Variants in SLC24A3 observed in about 807,000 individuals in gnomAD.
The protein encoded by SLC24A3 is solute carrier family 24 member 3, also known as sodium/potassium/calcium exchanger 3.
Under a neutral mutation model 75.8 loss-of-function variants are expected in SLC24A3, and 28 were observed. That is an observed-to-expected ratio of 0.37 (90% confidence interval 0.27 to 0.51). SLC24A3 has a LOEUF of 0.51. Among genes scored for constraint, SLC24A3 ranks in the 20% least tolerant of loss-of-function variants. The pLI is 0.94. For missense variants in SLC24A3, 663 were observed against 847.8 expected (o/e 0.78, Z 2.71); for synonymous variants, 372 against 334.1 (o/e 1.11, Z -1.24).
chr20:19,221,282 G>T (rs908429520), intron 1 of SLC24A3, among the ~76,000 whole-genome samples: 2 of 152,186 alleles, frequency 1.3e-5, no homozygotes, highest in Non-Finnish European at 2.9e-5. Flanking sequence ...CTTCTTTGGA[G>T]GAAGTCTTTA....
chr20:19,344,546 A>G (rs1039761707), intron 2 of SLC24A3, among the ~76,000 whole-genome samples: 1 of 152,234 alleles, frequency 6.6e-6, no homozygotes, highest in African/African-American at 2.4e-5. Flanking sequence ...AAAAGATGTG[A>G]TAATAAGTAA....
chr20:19,332,084 C>A (rs951995373), intron 2 of SLC24A3, among the ~76,000 whole-genome samples: 3 of 152,144 alleles, frequency 2.0e-5, no homozygotes, highest in African/African-American at 7.2e-5. Context: ...AGAATTGGAG[C>A]GTCTTGCAGG....
intron 2 of SLC24A3, among the ~76,000 whole-genome samples, chr20:19,296,158 G>A (rs1285256786): frequency 6.6e-6 from 1 of 151,490 alleles, no homozygotes. Flanking sequence ...GGTGTTTATA[G>A]TATTCTCTGA....
chr20:19,395,692 G>A (rs948414699), intron 2 of SLC24A3, among the ~76,000 whole-genome samples: 1 of 152,218 alleles, frequency 6.6e-6, no homozygotes, highest in African/African-American at 2.4e-5. Flanking sequence ...CTGCAAAGAA[G>A]GAGGCATCCA....
At chr20:19,654,212 G>A in intron 7 of SLC24A3, 76 bp downstream of exon 7, 1 of 1,388,536 alleles carries the variant, frequency 7.2e-7, no homozygotes, top group South Asian at 1.2e-5. Context: ...TCCTCCACAT[G>A]GAGTTCACTC....
intron 9 of SLC24A3, among the ~76,000 whole-genome samples, chr20:19,677,686 C>CTTTTTTTTTT (rs796484728): frequency 2.1e-4 from 24 of 113,948 alleles, no homozygotes; most frequent in South Asian, 3.2e-4. Flanking sequence ...TTTTTTTTTT[C>CTTTTTTTTTT]TTTTTTTTTT....
At chr20:19,631,216 G>A (rs745914287) in intron 6 of SLC24A3, among the ~76,000 whole-genome samples, 4 of 152,084 alleles carry the variant, frequency 2.6e-5, no homozygotes, top group Non-Finnish European at 4.4e-5. Flanking sequence ...ACAAATTAGC[G>A]TAGGCTGGTA....
intron 2 of SLC24A3, among the ~76,000 whole-genome samples, chr20:19,416,453 C>T (rs996445663): frequency 6.6e-6 from 1 of 152,134 alleles, no homozygotes; most frequent in Non-Finnish European, 1.5e-5. Flanking sequence ...CTGCTGAGCT[C>T]AGGCAGAGGG....
chr20:19,534,822 AG>A (rs2030367670), intron 3 of SLC24A3, among the ~76,000 whole-genome samples: 1 of 152,254 alleles, frequency 6.6e-6, no homozygotes, highest in Non-Finnish European at 1.5e-5. Flanking sequence ...GCTTATTTGT[AG>A]ATCTAGACCA....
intron 6 of SLC24A3, among the ~76,000 whole-genome samples, chr20:19,610,340 C>T (rs1008102562): frequency 2.0e-5 from 3 of 152,054 alleles, no homozygotes; most frequent in Non-Finnish European, 4.4e-5. Flanking sequence ...AAAATAAACC[C>T]GAGAGATGAG....
rs531877277 is a variant in SLC24A3 at position 19,603,506 on chromosome 20, C to T, written c.612+17962C>T. Among the ~76,000 whole-genome samples the T allele has an allele frequency of 2.9e-3, 441 of 152,244 alleles. 1 individual carries two copies. The highest frequency in any genetic ancestry group is 4.6e-3 in the Non-Finnish European group (314 of 68,004). ...GAATCAATGGACTCCATAAATAGTCCGGAATGACTTCCTATTTGTGACCAA... is the reference window on the plus strand; with the variant it reads ...GAATCAATGGACTCCATAAATAGTCTGGAATGACTTCCTATTTGTGACCAA... On this transcript the variant is annotated intron_variant, in intron 6 of 16. Transcript: ENST00000328041.
At chr20:19,636,646 G>A (rs2032005918) in intron 6 of SLC24A3, among the ~76,000 whole-genome samples, 1 of 152,082 alleles carries the variant, frequency 6.6e-6, no homozygotes, top group Non-Finnish European at 1.5e-5. Context: ...TACCTCCACA[G>A]AGCCAGCAAT....
At chr20:19,260,416 C>CATGGCAA (rs1209546378) in intron 1 of SLC24A3, among the ~76,000 whole-genome samples, 1 of 152,218 alleles carries the variant, frequency 6.6e-6, no homozygotes, top group East Asian at 1.9e-4. Flanking sequence ...GCATACTCAG[C>CATGGCAA]ATGGCAAATA....
intron 2 of SLC24A3, among the ~76,000 whole-genome samples, chr20:19,495,552 A>C (rs969991411): frequency 6.6e-6 from 1 of 152,184 alleles, no homozygotes; most frequent in African/African-American, 2.4e-5. Flanking sequence ...AGAGCATAAA[A>C]AGGCTGATTT....
In SLC24A3 at chr20:19,355,587, C is replaced by T. The variant is rs1247613355; in HGVS notation, c.271+74500C>T. Among the ~76,000 whole-genome samples, 3 of 152,144 alleles carry T rather than the reference C, an allele frequency of 2.0e-5. No individual in the cohort carries two copies. The East Asian group carries it at 5.8e-4, about 29-fold the overall frequency. On this transcript the variant is annotated intron_variant, in intron 2 of 16. Transcript: ENST00000328041. ...GAATCCCCAGCCCTTCTGGAATGTGCAGGGATTTCTAACTCCATGACATTT... is the reference window on the plus strand; with the variant it reads ...GAATCCCCAGCCCTTCTGGAATGTGTAGGGATTTCTAACTCCATGACATTT...
At chr20:19,270,711 A>G (rs1983300906) in intron 1 of SLC24A3, among the ~76,000 whole-genome samples, 1 of 152,266 alleles carries the variant, frequency 6.6e-6, no homozygotes, top group East Asian at 1.9e-4. Context: ...CCAACATTCC[A>G]TACTTTGTAA....
chr20:19,561,998 T>C lies in SLC24A3; in HGVS notation c.349-18002T>C, dbSNP rs146354406. Among the ~76,000 whole-genome samples, 1,496 of 152,280 alleles carry C rather than the reference T, an allele frequency of 9.8e-3. 33 individuals carry two copies. Among genetic ancestry groups the C allele is most frequent in the African/African-American group, 0.034 (1,410 of 41,562 alleles). The stretch of plus-strand genomic sequence containing the variant: ...AGGTGCAGAAGAGAACTGCCAAAAC[T>C]CAAAGCTACCACTGTAGTCCAGTCT... On this transcript the variant is annotated intron_variant, in intron 3 of 16. Transcript: ENST00000328041.
chr20:19,455,856 G>A (rs920975935), intron 2 of SLC24A3, among the ~76,000 whole-genome samples: 2 of 152,204 alleles, frequency 1.3e-5, no homozygotes, highest in Non-Finnish European at 2.9e-5. Context: ...GAACTACTTG[G>A]TTGAGAGGCT....
At chr20:19,708,607 T>A (rs143533494) in intron 15 of SLC24A3, among the ~76,000 whole-genome samples, 651 of 152,316 alleles carry the variant, frequency 4.3e-3, no homozygotes, top group Middle Eastern at 0.014. Context: ...GCCACGTTGG[T>A]AGCTTGAAAT....
Sources: gnomAD v4.1 joint callset for allele counts (sites outside exome capture counted in the v4.1 genomes callset) on GRCh38, gnomAD v4.1.1 for gene constraint, MANE v1.5 for transcripts, NCBI Gene and HGNC (gene_info 2026-07-23, HGNC 2026-07-21) for gene names.